Variants in PTCH1 observed in about 807,000 individuals in gnomAD.
The protein encoded by PTCH1 is patched 1, also known as protein patched homolog 1.
PTCH1 carries 14 observed loss-of-function variants against 144.6 expected under a neutral mutation model. The ratio of observed to expected loss-of-function variants is 0.10; its 90% CI spans 0.06 to 0.15. PTCH1 has a LOEUF of 0.15. Ranked by LOEUF, PTCH1 falls within the 10% of genes least tolerant of loss-of-function variation. The pLI is 1.00. For synonymous variants in PTCH1, 833 were observed against 793.6 expected, an observed-to-expected ratio of 1.05 and a Z score of -0.83; for missense variants, 1,623 against 1,948.3, an observed-to-expected ratio of 0.83 and a Z score of 3.14.
intron 15 of PTCH1, among the ~76,000 whole-genome samples, chr9:95,462,933 G>T (rs985322338): frequency 6.6e-6 from 1 of 152,108 alleles, no homozygotes; most frequent in South Asian, 2.1e-4. Context: ...ACAGGGCCCC[G>T]GTGACCCGGC....
At chr9:95,511,429 C>T (rs538379918), upstream of PTCH1, among the ~76,000 whole-genome samples, 5 of 152,218 alleles carry the variant, frequency 3.3e-5, no homozygotes, top group African/African-American at 7.2e-5. Context: ...TATGCGGTGC[C>T]GGGGTCAGGG....
chr9:95,484,116 C>A (rs1841786449), intron 3 of PTCH1: 1 of 152,198 alleles, frequency 6.6e-6, no homozygotes, highest in Non-Finnish European at 1.5e-5. Flanking sequence ...ATGGCACAGA[C>A]CCTCACATCT....
At position 95,447,106 on chromosome 9, in the gene PTCH1, G is replaced by A. The variant is rs1837989804; in HGVS notation, c.4150C>T (p.Pro1384Ser). The change falls in exon 23 of 24, where the codon CCG (proline) becomes TCG (serine). Residue 1384 changes from proline (P) to serine (S), a missense_variant. Pro to Ser is a moderately conservative substitution (Grantham distance 74). Transcript: ENST00000331920. ...SASVTVAVHP[P>S]PVPGPGRNPR... ...TTCCGCCCAGGCCCAGGGACAGGCG[G>A]CGGGTGCACGGCGACAGTCACGGAG... is the stretch of plus-strand genomic sequence containing the variant. The A allele has an allele frequency of 6.2e-7, 1 of 1,613,600 alleles. No individual in the cohort carries two copies. The highest frequency in any genetic ancestry group is 8.5e-7 in the Non-Finnish European group (1 of 1,179,982).
In PTCH1 at chr9:95,479,928, G is replaced by A. The variant is rs748001217; in HGVS notation, c.1067+41C>T. ...GGGAAGTGGCTTTTGAGGAAAGGAA[G>A]AAGACTACAGGGCATAGATTGTCCT... On this transcript the variant is annotated intron_variant, in intron 7 of 23. Transcript: ENST00000331920. 3.1e-6 allele frequency: 5 copies of A among 1,614,122 alleles called. No individual in the cohort carries two copies. The Admixed American group carries it at 8.3e-5, about 27-fold the overall frequency.
At chr9:95,455,442 C>G (rs28390100) in intron 19 of PTCH1, among the ~76,000 whole-genome samples, 4,500 of 152,268 alleles carry the variant, frequency 0.03, 209 homozygotes, top group African/African-American at 0.1. Flanking sequence ...AACAGGTGAA[C>G]GCATTTACTT....
At chr9:95,473,399 G>C (rs545431892) in intron 12 of PTCH1, among the ~76,000 whole-genome samples, 1 of 152,098 alleles carries the variant, frequency 6.6e-6, no homozygotes, top group Non-Finnish European at 1.5e-5. Context: ...AGTCAAACCT[G>C]ATACTGTTCA....
Position 95,473,289 on chromosome 9 carries a change from G to A in PTCH1, c.1728+2745C>T, listed in dbSNP as rs117827428. ...GGAGTTTTATATGGAAAATTCTGAA[G>A]GTAACGCAGGTTTACTATTGGACAG... On this transcript the variant is annotated intron_variant, in intron 12 of 23. Transcript: ENST00000331920. Among the ~76,000 whole-genome samples, 1,419 of 152,284 alleles carry A rather than the reference G, an allele frequency of 9.3e-3. 18 individuals carry two copies. Among genetic ancestry groups the A allele is most frequent in the Non-Finnish European group, 0.012 (827 of 68,030 alleles).
At chr9:95,505,667 G>C (rs926989711) in intron 2 of PTCH1, among the ~76,000 whole-genome samples, 8 of 147,410 alleles carry the variant, frequency 5.4e-5, no homozygotes, top group African/African-American at 7.6e-5. Context: ...CCTTCCCCCA[G>C]AATAATTCCA....
intron 15 of PTCH1, among the ~76,000 whole-genome samples, chr9:95,465,373 G>C (rs1229910332): frequency 6.6e-6 from 1 of 152,162 alleles, no homozygotes; most frequent in Admixed American, 6.5e-5. Context: ...TCAATGGGGG[G>C]AAAATGAAAG....
chr9:95,515,713 G>A (rs1421161544), intron 1 of PTCH1, among the ~76,000 whole-genome samples: 1 of 152,158 alleles, frequency 6.6e-6, no homozygotes, highest in Non-Finnish European at 1.5e-5. Flanking sequence ...TGTAAGGGTG[G>A]CAGCCACCCA....
chr9:95,482,675 C>T (rs550398030), intron 3 of PTCH1: 1 of 211,688 alleles, frequency 4.7e-6, no homozygotes, highest in Non-Finnish European at 9.5e-6. Flanking sequence ...TGCTCTTAAC[C>T]ATTAATATTA....
intron 2 of PTCH1, among the ~76,000 whole-genome samples, chr9:95,505,129 A>G (rs527729604): frequency 2.6e-4 from 40 of 152,162 alleles, no homozygotes; most frequent in African/African-American, 9.6e-4. Context: ...AAATACTCCA[A>G]CTCCACCCCA....
intron 2 of PTCH1, among the ~76,000 whole-genome samples, chr9:95,498,546 G>C (rs1040284656): frequency 2.1e-4 from 32 of 152,088 alleles, no homozygotes; most frequent in African/African-American, 7.2e-4. Context: ...TGTACACCAG[G>C]CTCCTAAAAT....
At chr9:95,493,080 C>A (rs1842539149) in intron 2 of PTCH1, among the ~76,000 whole-genome samples, 1 of 152,210 alleles carries the variant, frequency 6.6e-6, no homozygotes, top group East Asian at 1.9e-4. Context: ...CAAATCAAGC[C>A]AGGCTTAACT....
In PTCH1 at chr9:95,447,020, G is replaced by A. The variant is rs369083374; in HGVS notation, c.4236C>T (p.Pro1412=). 32 of 1,614,106 alleles carry A rather than the reference G, an allele frequency of 2.0e-5. No homozygotes were observed. Among genetic ancestry groups the A allele is most frequent in the Admixed American group, 1.0e-4 (6 of 60,014 alleles). The change falls in exon 23 of 24, where the codon CCC becomes CCT. Residue 1412 remains proline, a synonymous_variant. Transcript: ENST00000331920. ...CACACCGGACGTGGAAAGGCACGTG[G>A]GGGTCCTCAAACAGGCCGTGGTCAG... ...PETDHGLFED[P]HVPFHVRCER... is the part of the protein sequence containing the mutation.
At position 95,477,535 on chromosome 9, in the gene PTCH1, C is replaced by T. The variant is rs368083214; in HGVS notation, c.1503+12G>A. ...TTGTCAACGGACAGCAGATAAATGG[C>T]TCCTTTAGTACCTGAGTTGTTGCAG... is the stretch of plus-strand genomic sequence containing the variant. On this transcript the variant is annotated intron_variant, in intron 10 of 23. Coordinates refer to ENST00000331920, the MANE Select transcript of PTCH1 (RefSeq NM_000264.5). 156 of 1,614,158 alleles carry T rather than the reference C, an allele frequency of 9.7e-5. No homozygotes were observed. The African/African-American group carries it at 1.6e-3, about 16-fold the overall frequency.
Position 95,477,706 on chromosome 9 carries a change from C to T in PTCH1, c.1348-4G>A, listed in dbSNP as rs772826555. ...TGGTTAGACAGGCATAGGCGAGCTG[C>T]AAGCAGAACAATGGGGGCACAGAAC... On this transcript the variant is annotated splice_region_variant and splice_polypyrimidine_tract_variant and intron_variant, in intron 9 of 23. Coordinates refer to ENST00000331920, the MANE Select transcript of PTCH1 (RefSeq NM_000264.5). 35 of 1,613,910 alleles carry T rather than the reference C, an allele frequency of 2.2e-5. No homozygotes were observed. The highest frequency in any genetic ancestry group is 1.5e-4 in the Admixed American group (9 of 59,966).
chr9:95,479,783 C>T, intron 7 of PTCH1, 186 bp downstream of exon 7: 1 of 894,120 alleles, frequency 1.1e-6, no homozygotes, highest in East Asian at 2.6e-5. Flanking sequence ...AAAAATTCCC[C>T]ACAAGGTGCT....
At chr9:95,455,008 T>C (rs1410851622) in intron 19 of PTCH1, among the ~76,000 whole-genome samples, 2 of 152,216 alleles carry the variant, frequency 1.3e-5, no homozygotes, top group Non-Finnish European at 2.9e-5. Flanking sequence ...ACATGCAAAT[T>C]TATCTCCCTT....
Sources: gnomAD v4.1 joint callset for allele counts (sites outside exome capture counted in the v4.1 genomes callset) on GRCh38, gnomAD v4.1.1 for gene constraint, MANE v1.5 for transcripts, NCBI Gene and HGNC (gene_info 2026-07-23, HGNC 2026-07-21) for gene names.